The following INPP4B variants were observed in gnomAD, a reference collection of about 807,000 sequenced individuals.
INPP4B encodes the protein inositol polyphosphate-4-phosphatase type II B.
INPP4B carries 55 observed loss-of-function variants against 122.5 expected under a neutral mutation model. The observed-to-expected ratio is 0.45, with a 90% confidence interval of 0.36 to 0.56. The LOEUF (loss-of-function observed/expected upper bound fraction) is 0.56, where lower values mean the gene tolerates loss of function less well. INPP4B is among the 20% of genes least tolerant of loss of function. The pLI is 0.00. For missense variants in INPP4B, 1,000 were observed against 1,097.7 expected, an observed-to-expected ratio of 0.91 and a Z score of 1.26; for synonymous variants, 403 against 388.7, an observed-to-expected ratio of 1.04 and a Z score of -0.43.
chr4:142,694,242 A>G (rs1240718579), intron 2 of INPP4B, among the ~76,000 whole-genome samples: 2 of 151,788 alleles, frequency 1.3e-5, no homozygotes, highest in Admixed American at 6.6e-5. Flanking sequence ...GCATGGTGGT[A>G]CACGTCTGTA....
chr4:142,702,113 G>A (rs2150761457), intron 2 of INPP4B, among the ~76,000 whole-genome samples: 1 of 152,040 alleles, frequency 6.6e-6, no homozygotes, highest in South Asian at 2.1e-4. Flanking sequence ...TTCCTGGCTT[G>A]TAACCCCACA....
intron 2 of INPP4B, among the ~76,000 whole-genome samples, chr4:142,610,556 T>C (rs1742257329): frequency 6.6e-6 from 1 of 152,170 alleles, no homozygotes; most frequent in African/African-American, 2.4e-5. Flanking sequence ...CAGCATATGC[T>C]TTTCATATTT....
chr4:142,078,393 G>T (rs1400117267), intron 25 of INPP4B, among the ~76,000 whole-genome samples: 1 of 151,966 alleles, frequency 6.6e-6, no homozygotes, highest in Admixed American at 6.6e-5. Flanking sequence ...AATTTAAAAT[G>T]CTTATGTATG....
chr4:142,627,177 A>G (rs1006343666), intron 2 of INPP4B, among the ~76,000 whole-genome samples: 7 of 152,154 alleles, frequency 4.6e-5, no homozygotes, highest in Non-Finnish European at 1.0e-4. Flanking sequence ...CTTTATAGAT[A>G]TACAATCATG....
intron 14 of INPP4B, among the ~76,000 whole-genome samples, chr4:142,199,595 C>T (rs973355150): frequency 6.6e-6 from 1 of 151,986 alleles, no homozygotes; most frequent in Non-Finnish European, 1.5e-5. Flanking sequence ...TAGGATCCTG[C>T]CTTCCATTCA....
At chr4:142,562,278 A>G (rs1175750421) in intron 2 of INPP4B, among the ~76,000 whole-genome samples, 1 of 152,240 alleles carries the variant, frequency 6.6e-6, no homozygotes, top group Non-Finnish European at 1.5e-5. Context: ...GTGAAAAACA[A>G]TAACTTCTGC....
chr4:142,089,911 G>A (rs975092390), intron 23 of INPP4B, among the ~76,000 whole-genome samples: 7 of 152,148 alleles, frequency 4.6e-5, no homozygotes, highest in African/African-American at 1.2e-4. Flanking sequence ...AAAGTTCATA[G>A]TCAGAGGAGG....
intron 14 of INPP4B, among the ~76,000 whole-genome samples, chr4:142,202,439 C>A (rs961526345): frequency 1.3e-5 from 2 of 152,038 alleles, no homozygotes; most frequent in African/African-American, 4.8e-5. Flanking sequence ...TAAGGGAAAT[C>A]TGTGTCAAAA....
chr4:142,720,762 T>TATATATATATATACATATATATATA (rs1491113970), intron 2 of INPP4B, among the ~76,000 whole-genome samples: 1 of 27,154 alleles, frequency 3.7e-5, no homozygotes, highest in African/African-American at 1.5e-4. Flanking sequence ...ATATATATAA[T>TATATATATATATACATATATATATA]CTCTCTCTCT....
At chr4:142,058,761 T>C (rs544223647) in intron 25 of INPP4B, among the ~76,000 whole-genome samples, 2 of 152,270 alleles carry the variant, frequency 1.3e-5, no homozygotes, top group East Asian at 1.9e-4. Flanking sequence ...CAAAATCAAC[T>C]TATTATCTGT....
chr4:142,193,581 A>G (rs1170417005), intron 14 of INPP4B, among the ~76,000 whole-genome samples: 1 of 152,156 alleles, frequency 6.6e-6, no homozygotes, highest in East Asian at 1.9e-4. Flanking sequence ...ATAACGAACA[A>G]TCTTTCAACC....
At chr4:142,188,518 A>ATATATAT (rs1363710453) in intron 15 of INPP4B, among the ~76,000 whole-genome samples, 22 of 105,116 alleles carry the variant, frequency 2.1e-4, no homozygotes, top group African/African-American at 3.3e-4. Flanking sequence ...AAAGAAAAAA[A>ATATATAT]ATATATATAG....
chr4:142,531,725 A>G (rs1328403754), intron 2 of INPP4B, among the ~76,000 whole-genome samples: 1 of 152,090 alleles, frequency 6.6e-6, no homozygotes, highest in Non-Finnish European at 1.5e-5. Flanking sequence ...TGTCAATTCC[A>G]CAGTCTCCGA....
At chr4:142,781,325 C>T (rs1774783390) in intron 1 of INPP4B, among the ~76,000 whole-genome samples, 1 of 152,176 alleles carries the variant, frequency 6.6e-6, no homozygotes, top group Non-Finnish European at 1.5e-5. Context: ...TTTCAAGTGT[C>T]GATCCTATTT....
At chr4:142,074,926 A>G (rs1009296812) in intron 25 of INPP4B, among the ~76,000 whole-genome samples, 1 of 151,998 alleles carries the variant, frequency 6.6e-6, no homozygotes, top group African/African-American at 2.4e-5. Flanking sequence ...CATCCTTAAG[A>G]CACAGTTCAG....
chr4:142,254,747 C>T (rs1225057229), intron 11 of INPP4B, among the ~76,000 whole-genome samples: 3 of 152,080 alleles, frequency 2.0e-5, no homozygotes, highest in African/African-American at 7.2e-5. Flanking sequence ...CTGAAAGTGA[C>T]GAGGAGAATG....
intron 9 of INPP4B, among the ~76,000 whole-genome samples, chr4:142,271,380 C>A (rs1745742341): frequency 6.6e-6 from 1 of 152,176 alleles, no homozygotes; most frequent in Admixed American, 6.5e-5. Context: ...TAGATCAATA[C>A]CCCATTTGGA....
intron 1 of INPP4B, among the ~76,000 whole-genome samples, chr4:142,792,322 T>C (rs55942956): frequency 0.092 from 13,931 of 151,830 alleles, 808 homozygotes; most frequent in African/African-American, 0.16. Context: ...TTTTAGAAAA[T>C]GTAAAAGAGA....
intron 2 of INPP4B, among the ~76,000 whole-genome samples, chr4:142,660,289 T>C (rs980309896): frequency 1.1e-4 from 16 of 151,988 alleles, no homozygotes; most frequent in Non-Finnish European, 1.6e-4. Flanking sequence ...GAGGATGCTG[T>C]TCTCTCTCTC....
Sources: gnomAD v4.1 joint callset for allele counts (sites outside exome capture counted in the v4.1 genomes callset) on GRCh38, gnomAD v4.1.1 for gene constraint, MANE v1.5 for transcripts, NCBI Gene and HGNC (gene_info 2026-07-23, HGNC 2026-07-21) for gene names.